The following AHI1 variants were observed in gnomAD, a reference collection of about 807,000 sequenced individuals.
The protein encoded by AHI1 is jouberin.
AHI1 carries 123 observed loss-of-function variants against 149.3 expected under a neutral mutation model. The observed-to-expected ratio is 0.82, with a 90% CI of 0.71 to 0.96. The LOEUF is 0.96. Ranked by LOEUF, AHI1 falls within the 40% of genes least tolerant of loss-of-function variation. The pLI, the probability that AHI1 is intolerant of heterozygous loss-of-function variation, is 0.00. For synonymous variants in AHI1, 475 were observed against 459.8 expected (o/e 1.03, Z -0.42); for missense variants, 1,439 against 1,422.7 (o/e 1.01, Z -0.18).
intron 22 of AHI1, among the ~76,000 whole-genome samples, chr6:135,398,058 G>GTTTTTTTT (rs68148024): frequency 1.1e-5 from 1 of 88,442 alleles, no homozygotes; most frequent in African/African-American, 4.3e-5. Flanking sequence ...TACCCAGGAT[G>GTTTTTTTT]TTTTTTTTTT....
rs1314087706 is a variant in AHI1, at chr6:135,466,320, A to G, written c.243T>C (p.Asp81=). 1.2e-6 allele frequency: 2 copies of G among 1,613,936 alleles called. No individual in the cohort carries two copies. Among genetic ancestry groups the G allele is most frequent in the South Asian group, 2.2e-5 (2 of 91,082 alleles). ...LPHIKETTSD[D]VSAANTNNLK... ...GGTTGTTAGTGTTAGCAGCACTTACATCATCACTTGTAGTTTCTTTAATAT... is the reference window on the plus strand; with the variant it reads ...GGTTGTTAGTGTTAGCAGCACTTACGTCATCACTTGTAGTTTCTTTAATAT... The change falls in exon 7 of 29, where the codon GAT becomes GAC. Residue 81 remains aspartate (D), a synonymous_variant. Transcript: ENST00000265602.
chr6:135,380,427 AC>A (rs1309846226), intron 23 of AHI1, among the ~76,000 whole-genome samples: 2 of 152,190 alleles, frequency 1.3e-5, no homozygotes, highest in Non-Finnish European at 2.9e-5. Context: ...ATATCCAAAT[AC>A]TGTCCATTTT....
intron 5 of AHI1, among the ~76,000 whole-genome samples, chr6:135,476,557 A>G (rs1250286365): frequency 2.6e-5 from 4 of 152,006 alleles, no homozygotes; most frequent in Non-Finnish European, 5.9e-5. Context: ...TGTTGTATCA[A>G]TTTCTGAAAG....
chr6:135,490,552 C>T (rs1242836625), intron 5 of AHI1, 71 bp downstream of exon 5: 1 of 1,565,200 alleles, frequency 6.4e-7, no homozygotes, highest in African/African-American at 1.4e-5. Flanking sequence ...AGAATTTTAA[C>T]ATAAAATGCA....
chr6:135,309,543 C>T (rs1195102805), intron 26 of AHI1, among the ~76,000 whole-genome samples: 1 of 149,578 alleles, frequency 6.7e-6, no homozygotes. Flanking sequence ...AGTGCAATGG[C>T]GTGATCTCAG....
At chr6:135,424,497 C>A (rs955346627) in intron 20 of AHI1, among the ~76,000 whole-genome samples, 1 of 151,924 alleles carries the variant, frequency 6.6e-6, no homozygotes, top group Non-Finnish European at 1.5e-5. Flanking sequence ...CCTAAAAGTA[C>A]ATTATTTGTG....
chr6:135,335,841 C>T (rs535308759), intron 24 of AHI1, among the ~76,000 whole-genome samples: 12 of 152,078 alleles, frequency 7.9e-5, no homozygotes, highest in African/African-American at 2.9e-4. Context: ...AATATATAAA[C>T]AGGACCGGCG....
intron 22 of AHI1, among the ~76,000 whole-genome samples, chr6:135,402,803 A>G (rs1052805935): frequency 2.0e-5 from 3 of 152,194 alleles, no homozygotes; most frequent in Non-Finnish European, 4.4e-5. Flanking sequence ...CTTTAAGAAT[A>G]TAGTATATAA....
intron 20 of AHI1, among the ~76,000 whole-genome samples, chr6:135,412,223 G>A (rs1431039649): frequency 6.6e-6 from 1 of 152,042 alleles, no homozygotes. Context: ...TATTTACATA[G>A]CATTTATACT....
intron 25 of AHI1, among the ~76,000 whole-genome samples, chr6:135,319,657 G>C (rs76991204): frequency 6.6e-6 from 1 of 152,244 alleles, no homozygotes; most frequent in African/African-American, 2.4e-5. Flanking sequence ...AAATTTTAAA[G>C]GGTTAAAACA....
At chr6:135,336,247 C>A (rs1318297411) in intron 24 of AHI1, among the ~76,000 whole-genome samples, 1 of 151,800 alleles carries the variant, frequency 6.6e-6, no homozygotes, top group Admixed American at 6.6e-5. Context: ...ATTCCTATTG[C>A]CTTCTTACAT....
intron 21 of AHI1, among the ~76,000 whole-genome samples, chr6:135,405,969 G>A (rs937122320): frequency 6.6e-6 from 1 of 151,598 alleles, no homozygotes; most frequent in East Asian, 1.9e-4. Flanking sequence ...GCCTAGTACA[G>A]TGCTAGTGAA....
chr6:135,444,970 T>C (rs961745458), intron 13 of AHI1, among the ~76,000 whole-genome samples: 2 of 152,252 alleles, frequency 1.3e-5, no homozygotes, highest in Non-Finnish European at 2.9e-5. Flanking sequence ...ATCATCTTTA[T>C]ACCTACATTT....
chr6:135,430,003 A>G lies in AHI1; in HGVS notation c.2374-3T>C, dbSNP rs1204019646. 6.8e-7 allele frequency: 1 copy of G among 1,460,558 alleles called. No individual in the cohort carries two copies. The highest frequency in any genetic ancestry group is 9.3e-7 in the Non-Finnish European group (1 of 1,073,392). The allele number at this position is 1,460,558 out of a possible 1,614,324, so 90.5% of individuals were successfully genotyped here. ...TTAAACTCAGTTTCTTTAATTTCCTAAAATGATTAAAAAAAATACTACTAC... is the reference window on the plus strand; with the variant it reads ...TTAAACTCAGTTTCTTTAATTTCCTGAAATGATTAAAAAAAATACTACTAC... On this transcript the variant is annotated splice_polypyrimidine_tract_variant and splice_region_variant and intron_variant, in intron 17 of 28. Coordinates refer to ENST00000265602, the MANE Select transcript of AHI1 (RefSeq NM_001134831.2).
At chr6:135,462,116 A>C (rs1789994089) in intron 8 of AHI1, among the ~76,000 whole-genome samples, 1 of 152,050 alleles carries the variant, frequency 6.6e-6, no homozygotes, top group Non-Finnish European at 1.5e-5. Context: ...TTCTATATAT[A>C]TCTATATACA....
chr6:135,346,324 A>G (rs1041803752), intron 24 of AHI1, among the ~76,000 whole-genome samples: 4 of 152,084 alleles, frequency 2.6e-5, no homozygotes, highest in East Asian at 1.9e-4. Flanking sequence ...CCTCCCGAGT[A>G]GCTGGGACTA....
intron 26 of AHI1, chr6:135,301,956 T>G: frequency 1.0e-6 from 1 of 985,290 alleles, no homozygotes; most frequent in Non-Finnish European, 1.2e-6. Flanking sequence ...AAATAAATTC[T>G]AAACACAGCA....
At chr6:135,301,000 C>T in intron 26 of AHI1, 1 of 984,578 alleles carries the variant, frequency 1.0e-6, no homozygotes, top group Non-Finnish European at 1.2e-6. Context: ...AATTTGAAAG[C>T]TCTTTAAATC....
chr6:135,318,366 T>G (rs1181074344), intron 26 of AHI1, 153 bp downstream of exon 26: 1 of 619,286 alleles, frequency 1.6e-6, no homozygotes, highest in Non-Finnish European at 2.8e-6. Context: ...GCTATAACGT[T>G]TGCCTTATGT....
Sources: gnomAD v4.1 joint callset for allele counts (sites outside exome capture counted in the v4.1 genomes callset) on GRCh38, gnomAD v4.1.1 for gene constraint, MANE v1.5 for transcripts, NCBI Gene and HGNC (gene_info 2026-07-23, HGNC 2026-07-21) for gene names.